Variants in LIPA observed in about 807,000 individuals in gnomAD.
The protein encoded by LIPA is lysosomal acid lipase/cholesteryl ester hydrolase.
A neutral mutation model predicts 40.6 loss-of-function variants in LIPA; 26 were observed. The observed-to-expected ratio is 0.64, with a 90% CI of 0.47 to 0.89. The LOEUF is 0.89. Ranked by LOEUF, LIPA falls within the 40% of genes least tolerant of loss-of-function variation. The probability of loss-of-function intolerance (pLI) is 0.00; values close to 1 mark genes in which losing one functional copy is unlikely to be tolerated. For missense variants in LIPA, 455 were observed against 479.6 expected (o/e 0.95, Z 0.48); for synonymous variants, 188 against 168.4 (o/e 1.12, Z -0.90).
At chr10:89,322,655 C>T (rs1353560801) in intron 1 of LIPA, among the ~76,000 whole-genome samples, 1 of 151,152 alleles carries the variant, frequency 6.6e-6, no homozygotes, top group Non-Finnish European at 1.5e-5. Context: ...GAGACTTCTG[C>T]AAGCCTTGTG....
At chr10:89,221,228 TTA>T (rs1228028896) in intron 8 of LIPA, among the ~76,000 whole-genome samples, 16 of 152,044 alleles carry the variant, frequency 1.1e-4, no homozygotes, top group Non-Finnish European at 1.9e-4. Context: ...AAATTTTTTT[TTA>T]AAATAATAAA....
chr10:89,352,788 TAA>T (rs34514402), intron 2 of LIPA, among the ~76,000 whole-genome samples: 31,513 of 113,174 alleles, frequency 0.28, 3,601 homozygotes, highest in East Asian at 0.56. Context: ...ACTACAAAGA[TAA>T]AAAAAAAAAA....
At chr10:89,222,789 C>T (rs1400506136) in intron 7 of LIPA, among the ~76,000 whole-genome samples, 1 of 152,140 alleles carries the variant, frequency 6.6e-6, no homozygotes, top group Admixed American at 6.5e-5. Context: ...GAAGGAGGTG[C>T]AACAACATGG....
intron 1 of LIPA, among the ~76,000 whole-genome samples, chr10:89,291,592 A>G (rs975730047): frequency 8.5e-5 from 13 of 152,168 alleles, no homozygotes; most frequent in South Asian, 8.3e-4. Flanking sequence ...AAGGAGTCAC[A>G]TACTGACCTT....
intron 5 of LIPA, among the ~76,000 whole-genome samples, chr10:89,225,468 A>T (rs1842757467): frequency 6.6e-6 from 1 of 152,166 alleles, no homozygotes; most frequent in Admixed American, 6.5e-5. Context: ...ATCTCAACCT[A>T]GATAAGCACT....
chr10:89,355,428 A>G (rs926863223), intron 2 of LIPA, among the ~76,000 whole-genome samples: 5 of 152,398 alleles, frequency 3.3e-5, no homozygotes, highest in African/African-American at 1.2e-4. Context: ...AGATGGTTTC[A>G]GCCTGAAGGC....
At chr10:89,412,258 G>A (rs1589645737) in intron 2 of LIPA, among the ~76,000 whole-genome samples, 1 of 152,194 alleles carries the variant, frequency 6.6e-6, no homozygotes, top group East Asian at 1.9e-4. Context: ...GGGACTCAGA[G>A]AACTTTTCTG....
chr10:89,341,427 G>A lies in LIPA; in HGVS notation c.-2+1184C>T, dbSNP rs115478891. Among the ~76,000 whole-genome samples, 1,108 of 152,276 alleles carry A rather than the reference G, an allele frequency of 7.3e-3. 13 individuals carry two copies. The highest frequency in any genetic ancestry group is 0.025 in the African/African-American group (1,049 of 41,542). The stretch of plus-strand genomic sequence containing the variant: ...GACAGCAAAGGTCTCTTAAACACAT[G>A]GGGGAATAGCCTCCATGGACTCTTG... On this transcript the variant is annotated intron_variant, in intron 1 of 5. Coordinates refer to the LIPA transcript ENST00000282673.
At chr10:89,319,783 C>A (rs1240554453) in intron 1 of LIPA, among the ~76,000 whole-genome samples, 1 of 152,170 alleles carries the variant, frequency 6.6e-6, no homozygotes. Context: ...AGGCCAATAC[C>A]CCTGATGAAC....
At chr10:89,216,263 C>T (rs566295909) in intron 8 of LIPA, among the ~76,000 whole-genome samples, 1 of 152,028 alleles carries the variant, frequency 6.6e-6, no homozygotes, top group South Asian at 2.1e-4. Flanking sequence ...CATATGCTGT[C>T]AATTATACTA....
chr10:89,372,887 C>A (rs1171293855), intron 2 of LIPA, among the ~76,000 whole-genome samples: 1 of 152,136 alleles, frequency 6.6e-6, no homozygotes, highest in African/African-American at 2.4e-5. Context: ...TTTCCGGGAA[C>A]CTGAGGACTT....
intron 1 of LIPA, among the ~76,000 whole-genome samples, chr10:89,280,970 G>T (rs1843311417): frequency 6.6e-6 from 1 of 152,180 alleles, no homozygotes; most frequent in South Asian, 2.1e-4. Flanking sequence ...AAACAAAGAA[G>T]TACAAGAAGA....
At chr10:89,276,155 G>A (rs1478343172) in intron 1 of LIPA, among the ~76,000 whole-genome samples, 6 of 152,158 alleles carry the variant, frequency 3.9e-5, no homozygotes, top group African/African-American at 7.2e-5. Flanking sequence ...TCACTCTCAC[G>A]TCTTGCAAAT....
At chr10:89,291,463 T>C (rs1371437726) in intron 1 of LIPA, among the ~76,000 whole-genome samples, 1 of 152,234 alleles carries the variant, frequency 6.6e-6, no homozygotes, top group Admixed American at 6.5e-5. Context: ...TGCTGTCTTT[T>C]TTCAGTTTAA....
chr10:89,238,720 A>G (rs1025556323), intron 3 of LIPA, among the ~76,000 whole-genome samples: 4 of 152,142 alleles, frequency 2.6e-5, no homozygotes, highest in Non-Finnish European at 5.9e-5. Context: ...TATTTTCCTT[A>G]TGATTTCCTT....
chr10:89,268,840 G>A (rs1843250882), intron 1 of LIPA, among the ~76,000 whole-genome samples: 1 of 151,642 alleles, frequency 6.6e-6, no homozygotes, highest in Admixed American at 6.6e-5. Flanking sequence ...CAAAAAGTTA[G>A]CTGGGCGCGG....
At chr10:89,367,660 C>G (rs1844065896) in intron 2 of LIPA, among the ~76,000 whole-genome samples, 1 of 152,194 alleles carries the variant, frequency 6.6e-6, no homozygotes, top group South Asian at 2.1e-4. Context: ...ACACCTTCCC[C>G]TGGTGCTGGA....
chr10:89,286,386 T>TC (rs1288752393), intron 1 of LIPA, among the ~76,000 whole-genome samples: 2 of 151,720 alleles, frequency 1.3e-5, no homozygotes, highest in African/African-American at 4.8e-5. Flanking sequence ...TAGCCTCCGC[T>TC]CCCCCACCCT....
intron 1 of LIPA, among the ~76,000 whole-genome samples, chr10:89,268,593 C>A (rs1055193208): frequency 6.6e-6 from 1 of 152,006 alleles, no homozygotes; most frequent in African/African-American, 2.4e-5. Flanking sequence ...ACTTTTATTC[C>A]CACTCAATAG....
Sources: gnomAD v4.1 joint callset for allele counts (sites outside exome capture counted in the v4.1 genomes callset) on GRCh38, gnomAD v4.1.1 for gene constraint, MANE v1.5 for transcripts, NCBI Gene and HGNC (gene_info 2026-07-23, HGNC 2026-07-21) for gene names.